The following NALCN variants were observed in gnomAD, a reference collection of about 807,000 sequenced individuals.
NALCN encodes sodium leak channel, non-selective, also known as sodium leak channel NALCN.
Under a neutral mutation model 225.3 loss-of-function variants are expected in NALCN, and 111 were observed. The observed-to-expected ratio is 0.49, with a 90% CI of 0.42 to 0.58. The LOEUF is 0.58. Among genes scored for constraint, NALCN ranks in the 20% least tolerant of loss-of-function variants. The pLI is 0.00. For synonymous variants in NALCN, 764 were observed against 769.0 expected (o/e 0.99, Z 0.11); for missense variants, 1,378 against 2,202.4 (o/e 0.63, Z 7.49).
At chr13:101,385,067 C>T (rs2046950070) in intron 3 of NALCN, among the ~76,000 whole-genome samples, 1 of 152,160 alleles carries the variant, frequency 6.6e-6, no homozygotes, top group Non-Finnish European at 1.5e-5. Flanking sequence ...GACCACAGAA[C>T]AAAGTCAGAA....
At chr13:101,067,652 C>T (rs1435559941) in intron 39 of NALCN, among the ~76,000 whole-genome samples, 1 of 152,148 alleles carries the variant, frequency 6.6e-6, no homozygotes, top group African/African-American at 2.4e-5. Flanking sequence ...AAGGCTGATT[C>T]CTACAGAGTC....
rs182993356 is a variant in NALCN, at chr13:101,405,206, C to T, written c.-39-6041G>A. Among the ~76,000 whole-genome samples the T allele has an allele frequency of 6.6e-4, 100 of 152,256 alleles. No individual in the cohort carries two copies. In the East Asian group the frequency reaches 0.016, roughly 25 times the overall value. ...ACAGTGAAAACTTGACGACAAAAGG[C>T]GATGCTTAACAGCAAGATGGCCTTG... On this transcript the variant is annotated intron_variant, in intron 1 of 43. Transcript: ENST00000251127.
intron 15 of NALCN, among the ~76,000 whole-genome samples, chr13:101,158,377 G>A (rs2038006281): frequency 6.6e-6 from 1 of 152,324 alleles, no homozygotes; most frequent in African/African-American, 2.4e-5. Flanking sequence ...TGCCTGTGCA[G>A]CCCTCTGCCT....
At chr13:101,197,410 C>T (rs989986760) in intron 13 of NALCN, among the ~76,000 whole-genome samples, 8 of 151,958 alleles carry the variant, frequency 5.3e-5, no homozygotes, top group South Asian at 2.1e-4. Flanking sequence ...TGTAGTTATG[C>T]TGGTATAATT....
chr13:101,369,550 T>C (rs1481878349), intron 6 of NALCN, among the ~76,000 whole-genome samples: 1 of 152,198 alleles, frequency 6.6e-6, no homozygotes, highest in Admixed American at 6.5e-5. Context: ...GCCAGCATAA[T>C]GCCTGATCTT....
At chr13:101,084,598 G>A (rs2033839439) in intron 30 of NALCN, among the ~76,000 whole-genome samples, 1 of 68,396 alleles carries the variant, frequency 1.5e-5, no homozygotes, top group South Asian at 4.6e-4. Flanking sequence ...ACTCCAACAT[G>A]TGATTATTTA....
chr13:101,076,040 C>T (rs536062339), intron 34 of NALCN, 99 bp from the exon 35 acceptor site: 1 of 869,974 alleles, frequency 1.1e-6, no homozygotes. Context: ...GAATAATTAG[C>T]TTAATATGTG....
At chr13:101,271,399 T>C (rs968699101) in intron 10 of NALCN, among the ~76,000 whole-genome samples, 1 of 152,170 alleles carries the variant, frequency 6.6e-6, no homozygotes, top group Non-Finnish European at 1.5e-5. Context: ...ATTTGGCCAC[T>C]GACTTCAAAA....
chr13:101,169,565 A>G (rs564569308), intron 15 of NALCN, among the ~76,000 whole-genome samples: 31 of 152,306 alleles, frequency 2.0e-4, no homozygotes, highest in African/African-American at 7.5e-4. Flanking sequence ...TTGAATACCC[A>G]CAGGGAGAAA....
At chr13:101,305,675 T>C (rs1171015744) in intron 7 of NALCN, among the ~76,000 whole-genome samples, 1 of 152,210 alleles carries the variant, frequency 6.6e-6, no homozygotes, top group Non-Finnish European at 1.5e-5. Flanking sequence ...GAGACACAGA[T>C]TCTGTACAAT....
chr13:101,105,232 T>C (rs2035033507), intron 22 of NALCN, among the ~76,000 whole-genome samples: 1 of 152,214 alleles, frequency 6.6e-6, no homozygotes, highest in African/African-American at 2.4e-5. Flanking sequence ...TTTTCTGACA[T>C]GGGTAGTACA....
In NALCN at chr13:101,075,799, G is replaced by A. The variant is rs555651188; in HGVS notation, c.3954+74C>T. 828 of 1,293,574 alleles carry A rather than the reference G, an allele frequency of 6.4e-4. 7 individuals are homozygous for A. The highest frequency in any genetic ancestry group is 1.1e-4 in the Non-Finnish European group (100 of 925,118). The allele number at this position is 1,293,574 out of a possible 1,614,324, so 80.1% of individuals were successfully genotyped here. ...ATCCCTAAATAACCGAGGTAAGGCT[G>A]TAATCAATTAATCACCATTCTTTCA... On this transcript the variant is annotated intron_variant, in intron 35 of 43. Transcript: ENST00000251127.
intron 6 of NALCN, among the ~76,000 whole-genome samples, chr13:101,368,010 A>ATTTTATT (rs1421964138): frequency 7.0e-6 from 1 of 142,876 alleles, no homozygotes; most frequent in African/African-American, 2.6e-5. Flanking sequence ...ATTTTATTTT[A>ATTTTATT]TTATTATTAT....
At chr13:101,287,647 C>T (rs967829487) in intron 9 of NALCN, among the ~76,000 whole-genome samples, 19 of 152,170 alleles carry the variant, frequency 1.2e-4, no homozygotes, top group African/African-American at 4.3e-4. Context: ...TTAGTAGAAT[C>T]TCACCAATAA....
intron 10 of NALCN, among the ~76,000 whole-genome samples, chr13:101,259,598 T>C (rs914869510): frequency 2.6e-5 from 4 of 151,342 alleles, no homozygotes; most frequent in African/African-American, 7.3e-5. Context: ...CCTCCCAAAG[T>C]GTTGGGATTA....
At chr13:101,354,855 G>A (rs141153555) in intron 6 of NALCN, among the ~76,000 whole-genome samples, 3 of 152,004 alleles carry the variant, frequency 2.0e-5, no homozygotes, top group Admixed American at 6.6e-5. Context: ...ACATACTAAC[G>A]ACTCCCTGAT....
chr13:101,385,847 C>T (rs2046971997), intron 3 of NALCN, among the ~76,000 whole-genome samples: 1 of 152,152 alleles, frequency 6.6e-6, no homozygotes, highest in Non-Finnish European at 1.5e-5. Flanking sequence ...CACAGTTGCA[C>T]AATTCTGGAT....
At chr13:101,172,565 GTTA>G (rs1207290867) in intron 15 of NALCN, among the ~76,000 whole-genome samples, 2 of 151,886 alleles carry the variant, frequency 1.3e-5, no homozygotes, top group East Asian at 1.9e-4. Flanking sequence ...CCCATTTATT[GTTA>G]TTATTATTTG....
rs186274973 is a variant in NALCN, at chr13:101,297,450, C to A, written c.800-5084G>T. ...GGATTTATTTTATGACCATCCATTT[C>A]TTTCTCTCTCCCAGTGTTTGGATCC... is the stretch of plus-strand genomic sequence containing the variant. On this transcript the variant is annotated intron_variant, in intron 7 of 43. Transcript: ENST00000251127. Among the ~76,000 whole-genome samples the A allele has an allele frequency of 3.3e-3, 500 of 152,298 alleles. 1 individual carries two copies. The highest frequency in any genetic ancestry group is 4.5e-3 in the Non-Finnish European group (306 of 68,024).
Sources: allele counts gnomAD v4.1 joint callset (sites outside exome capture counted in the v4.1 genomes callset), GRCh38; gene constraint gnomAD v4.1.1; transcripts MANE v1.5; gene names NCBI Gene and HGNC (gene_info 2026-07-23, HGNC 2026-07-21).